UBTD1: variants seen among roughly 807,000 people sequenced by gnomAD.
UBTD1 encodes ubiquitin domain containing 1, also known as ubiquitin domain-containing protein 1.
In UBTD1, 19 loss-of-function variants were observed where a neutral mutation model predicts 21.7. The observed-to-expected ratio is 0.87, with a 90% CI of 0.61 to 1.28. The LOEUF (loss-of-function observed/expected upper bound fraction) is 1.28, where lower values mean the gene tolerates loss of function less well. Among genes scored for constraint, UBTD1 ranks in the 50% most tolerant of loss-of-function variants. UBTD1 has a pLI of 0.00. For missense variants in UBTD1, 282 were observed against 315.1 expected (o/e 0.89, Z 0.80); for synonymous variants, 116 against 135.1 (o/e 0.86, Z 0.98).
At chr10:97,546,642 A>G (rs2040612287) in intron 1 of UBTD1, among the ~76,000 whole-genome samples, 3 of 149,260 alleles carry the variant, frequency 2.0e-5, no homozygotes, top group Non-Finnish European at 3.0e-5. Flanking sequence ...TCAGGTGTGG[A>G]TAGCACTGGC....
At chr10:97,556,282 A>G (rs1168393904) in intron 1 of UBTD1, among the ~76,000 whole-genome samples, 1 of 152,072 alleles carries the variant, frequency 6.6e-6, no homozygotes. Flanking sequence ...ATCTTTAACT[A>G]TATCCTCAAC....
chr10:97,546,575 G>A (rs1259952526), intron 1 of UBTD1, among the ~76,000 whole-genome samples: 1 of 134,082 alleles, frequency 7.5e-6, no homozygotes. Context: ...GTGACCGAGT[G>A]TGACCCTGTC....
intron 1 of UBTD1, among the ~76,000 whole-genome samples, chr10:97,524,700 G>A (rs7341998): frequency 0.3 from 46,223 of 152,138 alleles, 7,174 homozygotes; most frequent in Non-Finnish European, 0.32. Flanking sequence ...TGTCCTCAAC[G>A]TGAACAGACC....
chr10:97,551,075 T>C (rs1227559849), intron 1 of UBTD1, among the ~76,000 whole-genome samples: 1 of 152,186 alleles, frequency 6.6e-6, no homozygotes, highest in Non-Finnish European at 1.5e-5. Flanking sequence ...TCAGATCAAG[T>C]ACATACCCCA....
intron 1 of UBTD1, among the ~76,000 whole-genome samples, chr10:97,500,960 T>C (rs1292578674): frequency 1.3e-5 from 2 of 152,308 alleles, no homozygotes; most frequent in Admixed American, 6.5e-5. Context: ...GTCCACCAGC[T>C]TTCCTTCTTT....
rs548826238 is a variant in UBTD1 at position 97,548,871 on chromosome 10, A to G, written c.71-19043A>G. On this transcript the variant is annotated intron_variant, in intron 1 of 2. Transcript: ENST00000370664. ...CAGATAGGCCAGTTTTCCTCTGGAA[A>G]TGGGTCGGGGGATGGCTGGTCAGTG... is the stretch of plus-strand genomic sequence containing the variant. Among the ~76,000 whole-genome samples the G allele has an allele frequency of 1.5e-3, 224 of 152,312 alleles. 2 individuals are homozygous for G. The highest frequency in any genetic ancestry group is 2.5e-3 in the Non-Finnish European group (173 of 68,020).
intron 1 of UBTD1, among the ~76,000 whole-genome samples, chr10:97,527,778 A>G (rs1339647510): frequency 6.6e-6 from 1 of 152,176 alleles, no homozygotes; most frequent in African/African-American, 2.4e-5. Flanking sequence ...GTAAGGTCAT[A>G]GATCAACAGG....
intron 1 of UBTD1, among the ~76,000 whole-genome samples, chr10:97,500,570 T>C (rs1350519687): frequency 6.6e-6 from 1 of 152,244 alleles, no homozygotes; most frequent in East Asian, 1.9e-4. Flanking sequence ...GTTCAACAAA[T>C]ATGTGTTCAG....
At chr10:97,567,563 G>T (rs2040723530) in intron 1 of UBTD1, among the ~76,000 whole-genome samples, 1 of 151,922 alleles carries the variant, frequency 6.6e-6, no homozygotes, top group Non-Finnish European at 1.5e-5. Context: ...GGAGGCTGAG[G>T]CAGGAGAGTC....
intron 1 of UBTD1, among the ~76,000 whole-genome samples, chr10:97,532,918 C>T (rs2040539994): frequency 6.6e-6 from 1 of 152,210 alleles, no homozygotes; most frequent in Admixed American, 6.5e-5. Flanking sequence ...CCAAGGGCAG[C>T]CTGGAGTCTG....
rs1158277816 is a variant in UBTD1 at position 97,570,079 on chromosome 10, C to T, written c.299-59C>T. ...CCATATGAATTTGGGGGGACCCAAA[C>T]ATTTAATCCATGATAGTGGATCCCC... On this transcript the variant is annotated intron_variant, in intron 2 of 2. Coordinates refer to ENST00000370664, the MANE Select transcript of UBTD1 (RefSeq NM_024954.5). This position sits in a 1 kb window ranked among gnomAD's most constrained non-coding sequence, Gnocchi z 6.6. 1 of 1,538,200 alleles carries T rather than the reference C, an allele frequency of 6.5e-7. No homozygotes were observed. The highest frequency in any genetic ancestry group is 8.8e-7 in the Non-Finnish European group (1 of 1,141,882).
intron 1 of UBTD1, among the ~76,000 whole-genome samples, chr10:97,523,259 A>G (rs1397842479): frequency 6.6e-6 from 1 of 152,170 alleles, no homozygotes; most frequent in African/African-American, 2.4e-5. Flanking sequence ...CTTCACCCTG[A>G]AGGTGGGAAT....
Position 97,570,256 on chromosome 10 carries a change from C to T in UBTD1, c.417C>T (p.Pro139=), listed in dbSNP as rs777290166. 1.5e-5 allele frequency: 25 copies of T among 1,612,938 alleles called. No individual in the cohort carries two copies. Among genetic ancestry groups the T allele is most frequent in the Middle Eastern group, 1.6e-4 (1 of 6,080 alleles). ...CGGAGGAGGAGAGCCTGGAGCCCCC[C>T]GAGCCTCCACCCAGCGTGCGCCGTG... is the stretch of plus-strand genomic sequence containing the variant. The part of the protein sequence containing the change: ...EHTEEESLEP[P]EPPPSVRREF... Residue 139 remains proline (P), a synonymous_variant, in exon 3 of 3, where the codon CCC becomes CCT. Transcript: ENST00000370664. This position sits in a 1 kb window ranked among gnomAD's most constrained non-coding sequence, Gnocchi z 6.6.
intron 1 of UBTD1, among the ~76,000 whole-genome samples, chr10:97,552,913 A>G (rs886614302): frequency 6.6e-6 from 1 of 152,230 alleles, no homozygotes; most frequent in Non-Finnish European, 1.5e-5. Context: ...AACCTGTTAA[A>G]AAGGTGCTGA....
chr10:97,569,992 CTTTA>C (rs2040737340), intron 2 of UBTD1, 142 bp from the exon 3 acceptor site: 3 of 1,218,962 alleles, frequency 2.5e-6, no homozygotes, highest in Non-Finnish European at 3.4e-6. Context: ...CCTCATTTAA[CTTTA>C]TTTATTTCTG....
chr10:97,535,179 A>G (rs777721030), intron 1 of UBTD1, among the ~76,000 whole-genome samples: 1 of 152,198 alleles, frequency 6.6e-6, no homozygotes, highest in Non-Finnish European at 1.5e-5. Flanking sequence ...ATCACCATCC[A>G]GGTTGGCCAA....
intron 1 of UBTD1, among the ~76,000 whole-genome samples, chr10:97,503,557 C>G (rs774795283): frequency 5.3e-5 from 8 of 152,206 alleles, no homozygotes; most frequent in Non-Finnish European, 1.2e-4. Context: ...TCTGGAATCT[C>G]AAGCTCGGGG....
chr10:97,529,009 G>A (rs971317109), intron 1 of UBTD1, among the ~76,000 whole-genome samples: 2 of 151,748 alleles, frequency 1.3e-5, no homozygotes, highest in African/African-American at 2.4e-5. Context: ...CTTCCCAGAC[G>A]GGGTGGCAGC....
Position 97,499,091 on chromosome 10 carries a change from C to A in UBTD1, c.-113C>A. The A allele has an allele frequency of 2.4e-6, 3 of 1,246,158 alleles. No individual in the cohort carries two copies. The highest frequency in any genetic ancestry group is 2.2e-6 in the Non-Finnish European group (2 of 922,964). 77.2% of individuals were successfully genotyped at this position (1,246,158 alleles called of 1,614,324 possible). ...GCTGAGCGCGCCCCCGGGGGGAGAT[C>A]GGGGAGCGCCCGATGCCGGGCGGCC... On this transcript the variant is annotated 5_prime_UTR_variant, in exon 1 of 3. Coordinates refer to ENST00000370664, the MANE Select transcript of UBTD1 (RefSeq NM_024954.5).
Sources: allele counts gnomAD v4.1 joint callset (sites outside exome capture counted in the v4.1 genomes callset), GRCh38; gene constraint gnomAD v4.1.1; non-coding constraint Gnocchi (gnomAD v3.1); transcripts MANE v1.5; gene names NCBI Gene and HGNC (gene_info 2026-07-23, HGNC 2026-07-21).